TSHZ2: variants seen among roughly 807,000 people sequenced by gnomAD.
TSHZ2 encodes teashirt zinc finger homeobox 2.
A neutral mutation model predicts 74.4 loss-of-function variants in TSHZ2; 21 were observed. The ratio of observed to expected loss-of-function variants is 0.28; its 90% confidence interval spans 0.20 to 0.41. The LOEUF is 0.41. TSHZ2 is among the 10% of genes least tolerant of loss of function. TSHZ2 has a pLI of 1.00. For synonymous variants in TSHZ2, 540 were observed against 515.3 expected, an observed-to-expected ratio of 1.05 and a Z score of -0.65; for missense variants, 1,244 against 1,293.5, an observed-to-expected ratio of 0.96 and a Z score of 0.59.
intron 2 of TSHZ2, among the ~76,000 whole-genome samples, chr20:53,393,133 G>A (rs1982322022): frequency 6.6e-6 from 1 of 151,984 alleles, no homozygotes; most frequent in Non-Finnish European, 1.5e-5. Context: ...TGGCCCAATA[G>A]GTAGTTTTTC....
intron 1 of TSHZ2, among the ~76,000 whole-genome samples, chr20:53,246,515 A>G (rs909192084): frequency 6.6e-6 from 1 of 152,070 alleles, no homozygotes; most frequent in Non-Finnish European, 1.5e-5. Context: ...TCCATCAGTA[A>G]TGTGTGACCT....
At chr20:53,029,700 CCA>C (rs775030327) in intron 1 of TSHZ2, among the ~76,000 whole-genome samples, 1 of 152,084 alleles carries the variant, frequency 6.6e-6, no homozygotes, top group Non-Finnish European at 1.5e-5. Flanking sequence ...TACGGATAAA[CCA>C]CAGTTATGCA....
At chr20:53,227,431 T>A (rs1237969832) in intron 1 of TSHZ2, among the ~76,000 whole-genome samples, 2 of 151,230 alleles carry the variant, frequency 1.3e-5, no homozygotes, top group African/African-American at 4.9e-5. Flanking sequence ...TAAATGTTAA[T>A]CTTTATTATT....
chr20:53,223,115 G>C (rs1346742090), intron 1 of TSHZ2, among the ~76,000 whole-genome samples: 3 of 151,574 alleles, frequency 2.0e-5, no homozygotes, highest in African/African-American at 7.3e-5. Context: ...AGAAAGTTCT[G>C]TTGAGAAGTG....
At chr20:53,168,658 T>C (rs1178941686) in intron 1 of TSHZ2, 1 of 152,158 alleles carries the variant, frequency 6.6e-6, no homozygotes, top group Non-Finnish European at 1.5e-5. Flanking sequence ...CCCAACACAG[T>C]AAACATTTAT....
At chr20:53,010,605 G>T (rs1461832897) in intron 1 of TSHZ2, among the ~76,000 whole-genome samples, 1 of 152,088 alleles carries the variant, frequency 6.6e-6, no homozygotes, top group Non-Finnish European at 1.5e-5. Context: ...ATAAAATGCT[G>T]ATATGCTGAG....
intron 1 of TSHZ2, among the ~76,000 whole-genome samples, chr20:53,249,309 A>C (rs556393334): frequency 7.9e-5 from 12 of 152,188 alleles, no homozygotes; most frequent in Non-Finnish European, 1.6e-4. Context: ...TGTGTAATCT[A>C]TTCATTCATT....
At chr20:53,033,403 A>ACT (rs1983707693) in intron 1 of TSHZ2, among the ~76,000 whole-genome samples, 1 of 152,090 alleles carries the variant, frequency 6.6e-6, no homozygotes, top group Non-Finnish European at 1.5e-5. Flanking sequence ...TATTTTGGGG[A>ACT]AAAGCGAACA....
At chr20:53,405,442 G>T (rs546408258) in intron 2 of TSHZ2, among the ~76,000 whole-genome samples, 1 of 152,154 alleles carries the variant, frequency 6.6e-6, no homozygotes, top group African/African-American at 2.4e-5. Context: ...GGTAGAAAAC[G>T]AACTCCTTTG....
chr20:53,033,495 A>G (rs1237871303), intron 1 of TSHZ2, among the ~76,000 whole-genome samples: 2 of 152,134 alleles, frequency 1.3e-5, no homozygotes, highest in Admixed American at 1.3e-4. Context: ...AATTGAGATA[A>G]GCATGATCCG....
intron 2 of TSHZ2, among the ~76,000 whole-genome samples, chr20:53,420,704 A>G (rs1371723445): frequency 6.6e-6 from 1 of 152,150 alleles, no homozygotes; most frequent in Non-Finnish European, 1.5e-5. Context: ...CAGAGCTTGC[A>G]GTGAGCCGAG....
At chr20:53,237,906 A>C (rs931462557) in intron 1 of TSHZ2, among the ~76,000 whole-genome samples, 6 of 152,188 alleles carry the variant, frequency 3.9e-5, no homozygotes, top group African/African-American at 1.4e-4. Context: ...GGGTACAGTC[A>C]AGTCATTGGG....
chr20:53,483,870 T>C (rs1322727753), intron 2 of TSHZ2, among the ~76,000 whole-genome samples: 1 of 152,232 alleles, frequency 6.6e-6, no homozygotes, highest in African/African-American at 2.4e-5. Flanking sequence ...GGTGTTGATT[T>C]AATGTGGAGC....
chr20:52,985,336 T>C (rs945384800), intron 1 of TSHZ2, among the ~76,000 whole-genome samples: 2 of 152,156 alleles, frequency 1.3e-5, no homozygotes, highest in Non-Finnish European at 1.5e-5. Flanking sequence ...TTAATTGAGA[T>C]AAACCAGATA....
chr20:53,275,127 G>A (rs956246773), intron 2 of TSHZ2, among the ~76,000 whole-genome samples: 17 of 152,082 alleles, frequency 1.1e-4, no homozygotes, highest in African/African-American at 3.9e-4. Context: ...ACCATTTGTG[G>A]ACTTGCACTT....
chr20:53,146,246 G>A (rs1987537249), intron 1 of TSHZ2, among the ~76,000 whole-genome samples: 2 of 152,138 alleles, frequency 1.3e-5, no homozygotes, highest in South Asian at 2.1e-4. Context: ...TGTGGGGCAG[G>A]GGGCGGATGA....
intron 1 of TSHZ2, among the ~76,000 whole-genome samples, chr20:53,175,596 C>T (rs899228797): frequency 6.6e-5 from 10 of 152,150 alleles, no homozygotes; most frequent in Non-Finnish European, 8.8e-5. Context: ...CTTGTCTGTT[C>T]GAGGGAAGTC....
intron 1 of TSHZ2, among the ~76,000 whole-genome samples, chr20:53,251,271 A>T (rs559177885): frequency 6.6e-6 from 1 of 152,154 alleles, no homozygotes; most frequent in South Asian, 2.1e-4. Flanking sequence ...TCTCCAAGTG[A>T]CCCTATTTGA....
chr20:53,033,335 T>A (rs1218147948), intron 1 of TSHZ2, among the ~76,000 whole-genome samples: 1 of 152,210 alleles, frequency 6.6e-6, no homozygotes, highest in Admixed American at 6.5e-5. Context: ...TCCACCCATA[T>A]TTATCGAGTT....
Sources: allele counts gnomAD v4.1 joint callset (sites outside exome capture counted in the v4.1 genomes callset), GRCh38; gene constraint gnomAD v4.1.1; transcripts MANE v1.5; gene names NCBI Gene and HGNC (gene_info 2026-07-23, HGNC 2026-07-21).